The following RYK variants were observed in gnomAD, a reference collection of about 807,000 sequenced individuals.
RYK encodes receptor like tyrosine kinase.
A neutral mutation model predicts 70.2 loss-of-function variants in RYK; 21 were observed. That is an observed-to-expected ratio of 0.30 (90% confidence interval 0.21 to 0.43). RYK has a LOEUF of 0.43. RYK is among the 20% of genes least tolerant of loss of function. The pLI is 1.00. For synonymous variants in RYK, 267 were observed against 278.0 expected, an observed-to-expected ratio of 0.96 and a Z score of 0.39; for missense variants, 604 against 753.3, an observed-to-expected ratio of 0.80 and a Z score of 2.32.
At chr3:134,209,888 C>A in intron 3 of RYK, 59 bp from the exon 4 acceptor site, 2 of 1,160,922 alleles carry the variant, frequency 1.7e-6, no homozygotes, top group Admixed American at 3.4e-5. Context: ...ATTAATGCCC[C>A]AAAATGATTC....
chr3:134,175,534 A>G, intron 13 of RYK, 75 bp downstream of exon 13: 1 of 1,526,088 alleles, frequency 6.6e-7, no homozygotes, highest in South Asian at 1.2e-5. Flanking sequence ...AACCCAAAAG[A>G]TAAAAATAGT....
rs147508357 is a variant in RYK, at chr3:134,189,527, G to T, written c.1016-604C>A. On this transcript the variant is annotated intron_variant, in intron 8 of 14. Coordinates refer to ENST00000623711, the MANE Select transcript of RYK (RefSeq NM_002958.4). ...TGTAATCCCAGCACTTTGGGAGGCC[G>T]AGGCAGGCGGGTCATGAGGTCAGGA... Among the ~76,000 whole-genome samples, 486 of 152,186 alleles carry T rather than the reference G, an allele frequency of 3.2e-3. 3 individuals are homozygous for T. The highest frequency in any genetic ancestry group is 0.011 in the African/African-American group (470 of 41,518).
At chr3:134,247,720 T>C (rs2015501989) in intron 1 of RYK, among the ~76,000 whole-genome samples, 1 of 151,752 alleles carries the variant, frequency 6.6e-6, no homozygotes, top group Admixed American at 6.6e-5. Context: ...AAAAAAAGCC[T>C]TTTGGTTCTC....
chr3:134,222,575 A>G, intron 1 of RYK, 36 bp from the exon 2 acceptor site: 1 of 1,462,484 alleles, frequency 6.8e-7, no homozygotes, highest in South Asian at 1.2e-5. Context: ...TTAAACACTT[A>G]AAATATTCTC....
At chr3:134,187,869 G>T (rs531732921) in intron 9 of RYK, among the ~76,000 whole-genome samples, 61 of 151,826 alleles carry the variant, frequency 4.0e-4, no homozygotes, top group African/African-American at 1.4e-3. Flanking sequence ...TCTTAATTCA[G>T]AACTATTTAA....
chr3:134,218,828 G>A (rs1385723051), intron 2 of RYK, among the ~76,000 whole-genome samples: 2 of 152,060 alleles, frequency 1.3e-5, no homozygotes, highest in African/African-American at 4.8e-5. Context: ...AACAATGAAG[G>A]CCCAAACTAA....
At chr3:134,175,277 A>G (rs1190152228) in intron 13 of RYK, among the ~76,000 whole-genome samples, 3 of 151,056 alleles carry the variant, frequency 2.0e-5, no homozygotes. Context: ...TGGTAGGCAG[A>G]GGTTGCAGTG....
At chr3:134,238,682 G>A (rs1366809862) in intron 1 of RYK, among the ~76,000 whole-genome samples, 1 of 152,104 alleles carries the variant, frequency 6.6e-6, no homozygotes, top group Non-Finnish European at 1.5e-5. Flanking sequence ...CACAGAACAG[G>A]CACAAATGTT....
chr3:134,214,244 TA>T (rs1158096892), intron 2 of RYK, among the ~76,000 whole-genome samples: 1 of 152,196 alleles, frequency 6.6e-6, no homozygotes, highest in Admixed American at 6.5e-5. Flanking sequence ...CCTGACACGC[TA>T]AAGAATTACT....
intron 5 of RYK, among the ~76,000 whole-genome samples, chr3:134,204,951 C>G (rs975562203): frequency 6.6e-6 from 1 of 151,972 alleles, no homozygotes. Context: ...CAGAGTAATT[C>G]AGAGAGACAG....
chr3:134,170,750 A>T (rs2012873772), intron 13 of RYK: 1 of 152,462 alleles, frequency 6.6e-6, no homozygotes, highest in East Asian at 1.9e-4. Context: ...CAAAAAAATA[A>T]AAAACAAAAA....
chr3:134,201,520 C>T (rs757378030), intron 6 of RYK, among the ~76,000 whole-genome samples: 6 of 151,316 alleles, frequency 4.0e-5, no homozygotes, highest in South Asian at 2.1e-4. Context: ...ATAACTGCTA[C>T]GAGAGAGAGA....
chr3:134,203,857 T>TAA (rs952565079), intron 5 of RYK, among the ~76,000 whole-genome samples: 32 of 152,196 alleles, frequency 2.1e-4, no homozygotes, highest in Non-Finnish European at 3.2e-4. Context: ...TAAGTACAAC[T>TAA]AAAGCTACTG....
At chr3:134,188,123 G>C (rs1427384763) in intron 9 of RYK, among the ~76,000 whole-genome samples, 6 of 149,952 alleles carry the variant, frequency 4.0e-5, no homozygotes, top group Admixed American at 6.6e-5. Context: ...ATATAAACCA[G>C]TGCTATCTTT....
At chr3:134,229,741 A>G (rs2015008365) in intron 1 of RYK, among the ~76,000 whole-genome samples, 2 of 152,188 alleles carry the variant, frequency 1.3e-5, no homozygotes, top group South Asian at 2.1e-4. Flanking sequence ...CAAATTAAAT[A>G]AAATGGACAA....
chr3:134,240,065 C>T (rs1054155125), intron 1 of RYK, among the ~76,000 whole-genome samples: 1 of 152,128 alleles, frequency 6.6e-6, no homozygotes, highest in African/African-American at 2.4e-5. Flanking sequence ...TCTACATATA[C>T]ATTTACATAT....
intron 1 of RYK, among the ~76,000 whole-genome samples, chr3:134,245,427 A>G (rs2015439899): frequency 6.6e-6 from 1 of 152,194 alleles, no homozygotes; most frequent in South Asian, 2.1e-4. Flanking sequence ...AGAAAAGGAA[A>G]GACAACATGC....
chr3:134,202,925 T>G, intron 5 of RYK, 51 bp from the exon 6 acceptor site: 1 of 1,491,400 alleles, frequency 6.7e-7, no homozygotes, highest in East Asian at 2.3e-5. Flanking sequence ...ATATGACTGC[T>G]TTGTGACCCA....
In RYK at chr3:134,250,743, C is replaced by T. The variant is rs1463875502; in HGVS notation, c.-89G>A. 4.8e-6 allele frequency: 3 copies of T among 625,480 alleles called. No homozygotes were observed. The highest frequency in any genetic ancestry group is 6.4e-5 in the Admixed American group (1 of 15,590). 38.7% of individuals were successfully genotyped at this position (625,480 alleles called of 1,614,324 possible). A position where few individuals can be genotyped will look rare whatever the true frequency, so the allele number is the denominator to read the frequency against. On this transcript the variant is annotated 5_prime_UTR_variant, in exon 1 of 15. Coordinates refer to ENST00000623711, the MANE Select transcript of RYK (RefSeq NM_002958.4). The stretch of plus-strand genomic sequence containing the variant: ...CCCCGAGCCGCTCACAGCCCCGAGC[C>T]GGGGGCGGCTGCCCAGCTCATCGCA...
Sources: allele counts gnomAD v4.1 joint callset (sites outside exome capture counted in the v4.1 genomes callset), GRCh38; gene constraint gnomAD v4.1.1; transcripts MANE v1.5; gene names NCBI Gene and HGNC (gene_info 2026-07-23, HGNC 2026-07-21).